Variants in SLC17A7 observed in about 807,000 individuals in gnomAD.
SLC17A7 encodes vesicular glutamate transporter 1.
In SLC17A7, 15 loss-of-function variants were observed where a neutral mutation model predicts 59.1. The observed-to-expected ratio is 0.25, with a 90% confidence interval of 0.17 to 0.39. SLC17A7 has a LOEUF of 0.39. SLC17A7 is among the 10% of genes least tolerant of loss of function. The probability of loss-of-function intolerance (pLI) is 1.00; values close to 1 mark genes in which losing one functional copy is unlikely to be tolerated. For synonymous variants in SLC17A7, 353 were observed against 308.9 expected (o/e 1.14, Z -1.50); for missense variants, 499 against 765.1 (o/e 0.65, Z 4.10).
chr19:49,432,419 G>C, intron 9 of SLC17A7, 100 bp downstream of exon 9: 3 of 1,454,872 alleles, frequency 2.1e-6, no homozygotes, highest in Non-Finnish European at 2.8e-6. Flanking sequence ...CCTGGGGCAG[G>C]CTGGATGGTT....
rs143195126 is a variant in SLC17A7 at position 49,435,037 on chromosome 19, T to G, written c.434+131A>C. 45 of 1,016,854 alleles carry G rather than the reference T, an allele frequency of 4.4e-5. No homozygotes were observed. The East Asian group carries it at 8.1e-4, about 18-fold the overall frequency. 63.0% of individuals were successfully genotyped at this position (1,016,854 alleles called of 1,614,324 possible). On this transcript the variant is annotated intron_variant, in intron 3 of 11. Coordinates refer to ENST00000221485, the MANE Select transcript of SLC17A7 (RefSeq NM_020309.4). Reference sequence around the variant, plus strand: ...CCTTCCTCAATCGCAAGCCCCACCTTTCTCTAAGACCCACCCCCAAATCCA... The same window carrying G: ...CCTTCCTCAATCGCAAGCCCCACCTGTCTCTAAGACCCACCCCCAAATCCA...
rs1462303067 is a variant in SLC17A7 at position 49,434,653 on chromosome 19, T to G, written c.586A>C (p.Lys196Gln). The G allele has an allele frequency of 6.2e-7, 1 of 1,613,368 alleles. No individual in the cohort carries two copies. The highest frequency in any genetic ancestry group is 2.2e-5 in the East Asian group (1 of 44,878). The change falls in exon 5 of 12, where the codon AAA becomes CAA. Residue 196 changes from lysine (K) to glutamine (Q), a missense_variant. Coordinates refer to ENST00000221485, the MANE Select transcript of SLC17A7 (RefSeq NM_020309.4). ...TYPACHGIWS[K>Q]WAPPLERSRL... is the part of the protein sequence containing the mutation. Reference sequence around the variant, plus strand: ...CTCCGTTCTAAGGGTGGGGCCCATTTGCTCCAGATCCCATGGCAGGCGGGG... The same window carrying G: ...CTCCGTTCTAAGGGTGGGGCCCATTGGCTCCAGATCCCATGGCAGGCGGGG...
At chr19:49,432,381 G>A in intron 9 of SLC17A7, 138 bp downstream of exon 9, 1 of 1,220,566 alleles carries the variant, frequency 8.2e-7, no homozygotes, top group Non-Finnish European at 1.1e-6. Flanking sequence ...CACCCTGTTG[G>A]CCACGGCCCT....
chr19:49,441,343 C>T lies in SLC17A7; in HGVS notation c.37G>A (p.Gly13Ser), dbSNP rs1214689796. The T allele has an allele frequency of 6.2e-7, 1 of 1,608,942 alleles. No homozygotes were observed. The highest frequency in any genetic ancestry group is 1.3e-5 in the African/African-American group (1 of 74,848). The change falls in exon 1 of 12, where the codon GGT becomes AGT. Residue 13 changes from glycine to serine, a missense_variant. Coordinates refer to ENST00000221485, the MANE Select transcript of SLC17A7 (RefSeq NM_020309.4). ...FRQEEFRKLAGRALGKLHRLL... is the reference protein window; with the variant it reads ...FRQEEFRKLASRALGKLHRLL... ...CGGTGCAGCTTCCCGAGAGCACGAC[C>T]CGCTAGCTTCCGAAACTCCTCCTGG...
chr19:49,432,710 C>T, intron 8 of SLC17A7, 59 bp from the exon 9 acceptor site: 1 of 1,605,172 alleles, frequency 6.2e-7, no homozygotes, highest in Non-Finnish European at 8.5e-7. Context: ...GGCGTCTCTG[C>T]CCGGTCCGTG....
rs1340744321 is a variant in SLC17A7, at chr19:49,436,848, C to T, written c.63-47G>A. On this transcript the variant is annotated intron_variant, in intron 1 of 11. Transcript: ENST00000221485. The surrounding 1 kb of genome is among the most constrained non-coding windows in gnomAD (Gnocchi z 4.1). ...AGACTCGGAAGTCCAGGCCCCCAGC[C>T]CCCTCACCCCCAAGACCAGGATCCA... 6.3e-7 allele frequency: 1 copy of T among 1,584,862 alleles called. No individual in the cohort carries two copies. Among genetic ancestry groups the T allele is most frequent in the Non-Finnish European group, 8.5e-7 (1 of 1,171,624 alleles).
At chr19:49,437,906 T>G (rs1487791416) in intron 1 of SLC17A7, 6 of 93,186 alleles carry the variant, frequency 6.4e-5, no homozygotes, top group East Asian at 3.1e-4. Context: ...GGAGAGAGAA[T>G]AACAGGGGAG....
chr19:49,436,222 A>G lies in SLC17A7; in HGVS notation c.315+327T>C, dbSNP rs550281483. 50 of 391,508 alleles carry G rather than the reference A, an allele frequency of 1.3e-4. No individual in the cohort carries two copies. The highest frequency in any genetic ancestry group is 1.8e-4 in the Non-Finnish European group (37 of 211,140). The allele number at this position is 391,508 out of a possible 1,614,324, so 24.3% of individuals were successfully genotyped here. Reference sequence around the variant, plus strand: ...ACCCGGGGACATGAGCTTGGGGTACAGGCGTGAGCAAAATTGCTAGTAGGT... The same window carrying G: ...ACCCGGGGACATGAGCTTGGGGTACGGGCGTGAGCAAAATTGCTAGTAGGT... On this transcript the variant is annotated intron_variant, in intron 2 of 11. Coordinates refer to ENST00000221485, the MANE Select transcript of SLC17A7 (RefSeq NM_020309.4). This position sits in a 1 kb window ranked among gnomAD's most constrained non-coding sequence, Gnocchi z 4.1.
intron 2 of SLC17A7, chr19:49,435,501 C>T (rs2122300358): frequency 2.0e-6 from 1 of 495,548 alleles, no homozygotes; most frequent in East Asian, 3.4e-5. Flanking sequence ...GCCTTAACAA[C>T]AGAGTCCATC....
chr19:49,430,201 C>A lies in SLC17A7; in HGVS notation c.*318G>T. On this transcript the variant is annotated 3_prime_UTR_variant, in exon 12 of 12. Transcript: ENST00000221485. ...GCGGGGGGTGTGGGTGCCTCAAAAC[C>A]ACAAGAGAGAGTAAGAGGTCGAACT... The A allele has an allele frequency of 4.6e-6, 1 of 215,348 alleles. No homozygotes were observed. Among genetic ancestry groups the A allele is most frequent in the Non-Finnish European group, 9.1e-6 (1 of 110,184 alleles). The allele number at this position is 215,348 out of a possible 1,614,324, so 13.3% of individuals were successfully genotyped here.
At chr19:49,438,777 GGAT>G (rs1161060313) in intron 1 of SLC17A7, among the ~76,000 whole-genome samples, 1 of 152,076 alleles carries the variant, frequency 6.6e-6, no homozygotes, top group Non-Finnish European at 1.5e-5. Flanking sequence ...GGTTGACATC[GGAT>G]GATATTTGAC....
Position 49,434,555 on chromosome 19 carries a change from A to G in SLC17A7, c.637+47T>C, listed in dbSNP as rs781424309. On this transcript the variant is annotated intron_variant, in intron 5 of 11. Coordinates refer to ENST00000221485, the MANE Select transcript of SLC17A7 (RefSeq NM_020309.4). Reference sequence around the variant, plus strand: ...CTCAGACCCAACAGTCCAGGCCCCAACCCCTCCTCCCTCAGATTCAGGAGT... The same window carrying G: ...CTCAGACCCAACAGTCCAGGCCCCAGCCCCTCCTCCCTCAGATTCAGGAGT... The G allele has an allele frequency of 1.7e-5, 27 of 1,551,016 alleles. No homozygotes were observed. In the Admixed American group the frequency reaches 5.4e-4, roughly 31 times the overall value.
In SLC17A7 at chr19:49,430,666, G is replaced by A; in HGVS notation, c.1536C>T (p.Gly512=). The A allele has an allele frequency of 1.9e-6, 3 of 1,614,110 alleles. No homozygotes were observed. Among genetic ancestry groups the A allele is most frequent in the Non-Finnish European group, 2.5e-6 (3 of 1,180,002 alleles). Residue 512 remains glycine, a synonymous_variant, in exon 12 of 12, where the codon GGC becomes GGT. Transcript: ENST00000221485. ...CGTCACTGCCAGCCAGCTGGTCATG[G>A]CCAACGAAGCCACACTTCTCCTCGC... The part of the protein sequence containing the change: ...EMSEEKCGFV[G]HDQLAGSDDS...
Position 49,431,529 on chromosome 19 carries a change from C to T in SLC17A7, c.1151-81G>A, listed in dbSNP as rs914463693. 8.4e-7 allele frequency: 1 copy of T among 1,189,742 alleles called. No individual in the cohort carries two copies. 73.7% of individuals were successfully genotyped at this position (1,189,742 alleles called of 1,614,324 possible). On this transcript the variant is annotated intron_variant, in intron 9 of 11. Transcript: ENST00000221485. This position sits in a 1 kb window ranked among gnomAD's most constrained non-coding sequence, Gnocchi z 4.6. ...GCTGCCCCACACCGCCCTTCCAGAC[C>T]TGCTCCAGCCCCAAACCGCGTCTAT...
At chr19:49,438,555 C>T (rs1237306306) in intron 1 of SLC17A7, among the ~76,000 whole-genome samples, 1 of 151,828 alleles carries the variant, frequency 6.6e-6, no homozygotes, top group Admixed American at 6.6e-5. Flanking sequence ...CATCCTAGAA[C>T]TTAAGGAGGT....
chr19:49,433,380 C>G lies in SLC17A7; in HGVS notation c.867+346G>C. ...AAGTGTTGGGATTGCAGGCGGAAGC[C>G]ACTGAGCCTGCCCTAGGAGTCTCTT... is the stretch of plus-strand genomic sequence containing the variant. On this transcript the variant is annotated intron_variant, in intron 7 of 11. Transcript: ENST00000221485. This position sits in a 1 kb window ranked among gnomAD's most constrained non-coding sequence, Gnocchi z 5.7. The G allele has an allele frequency of 6.7e-6, 3 of 451,120 alleles. No individual in the cohort carries two copies. Among genetic ancestry groups the G allele is most frequent in the Non-Finnish European group, 1.2e-5 (3 of 243,048 alleles). The allele number at this position is 451,120 out of a possible 1,614,324, so 27.9% of individuals were successfully genotyped here.
intron 1 of SLC17A7, 59 bp downstream of exon 1, chr19:49,441,259 G>A: frequency 6.3e-7 from 1 of 1,578,336 alleles, no homozygotes; most frequent in Non-Finnish European, 8.6e-7. Flanking sequence ...CGCCCAGGTG[G>A]GAATTAGCAT....
rs1285025642 is a variant in SLC17A7 at position 49,436,673 on chromosome 19, A to C, written c.191T>G (p.Ile64Ser). The change falls in exon 2 of 12, where the codon ATT (isoleucine) becomes AGT (serine). Residue 64 changes from isoleucine (I) to serine (S), a missense_variant. Coordinates refer to ENST00000221485, the MANE Select transcript of SLC17A7 (RefSeq NM_020309.4). The surrounding 1 kb of genome is among the most constrained non-coding windows in gnomAD (Gnocchi z 4.1). ...GCCCAGACCACTCATGATGGCGATAATGTAGCGGCGAGGGAGGCCGAAGCA... is the reference window on the plus strand; with the variant it reads ...GCCCAGACCACTCATGATGGCGATACTGTAGCGGCGAGGGAGGCCGAAGCA... ...CTCFGLPRRYIIAIMSGLGFC... is the reference protein window; with the variant it reads ...CTCFGLPRRYSIAIMSGLGFC... The C allele has an allele frequency of 6.2e-7, 1 of 1,613,964 alleles. No individual in the cohort carries two copies. The highest frequency in any genetic ancestry group is 1.7e-5 in the Admixed American group (1 of 60,022).
At position 49,436,230 on chromosome 19, in the gene SLC17A7, G is replaced by T; in HGVS notation, c.315+319C>A. On this transcript the variant is annotated intron_variant, in intron 2 of 11. Coordinates refer to ENST00000221485, the MANE Select transcript of SLC17A7 (RefSeq NM_020309.4). This position sits in a 1 kb window ranked among gnomAD's most constrained non-coding sequence, Gnocchi z 4.1. ...ACATGAGCTTGGGGTACAGGCGTGA[G>T]CAAAATTGCTAGTAGGTCCAAAATG... The T allele has an allele frequency of 4.8e-6, 2 of 414,174 alleles. No homozygotes were observed. Among genetic ancestry groups the T allele is most frequent in the Non-Finnish European group, 8.9e-6 (2 of 224,884 alleles). The allele number at this position is 414,174 out of a possible 1,614,324, so 25.7% of individuals were successfully genotyped here.
Sources: allele counts gnomAD v4.1 joint callset (sites outside exome capture counted in the v4.1 genomes callset), GRCh38; gene constraint gnomAD v4.1.1; non-coding constraint Gnocchi (gnomAD v3.1); transcripts MANE v1.5; gene names NCBI Gene and HGNC (gene_info 2026-07-23, HGNC 2026-07-21).